RDX: variants seen among roughly 807,000 people sequenced by gnomAD.
The protein encoded by RDX is deafness, autosomal recessive 24.
In RDX, 32 loss-of-function variants were observed where a neutral mutation model predicts 83.7. That is an observed-to-expected ratio of 0.38 (90% CI 0.29 to 0.51). RDX has a LOEUF of 0.51. RDX is among the 20% of genes least tolerant of loss of function. The probability of loss-of-function intolerance (pLI) is 0.87; values close to 1 mark genes in which losing one functional copy is unlikely to be tolerated. For missense variants in RDX, 600 were observed against 689.9 expected, an observed-to-expected ratio of 0.87 and a Z score of 1.46; for synonymous variants, 229 against 222.7, an observed-to-expected ratio of 1.03 and a Z score of -0.25.
At chr11:110,278,635 T>C (rs1860615036) in intron 2 of RDX, among the ~76,000 whole-genome samples, 1 of 152,152 alleles carries the variant, frequency 6.6e-6, no homozygotes, top group Admixed American at 6.6e-5. Context: ...TATTGTTTTA[T>C]AGATTTATGA....
intron 2 of RDX, among the ~76,000 whole-genome samples, chr11:110,274,249 GA>G (rs943700006): frequency 1.3e-5 from 2 of 151,902 alleles, no homozygotes; most frequent in African/African-American, 4.8e-5. Context: ...TGAATAACAA[GA>G]AATGGTAAAT....
intron 14 of RDX, among the ~76,000 whole-genome samples, chr11:110,209,667 T>TGGGTCCC (rs1863753864): frequency 6.9e-6 from 1 of 145,906 alleles, no homozygotes; most frequent in African/African-American, 2.5e-5. Context: ...CCTCCTCAAG[T>TGGGTCCC]GGGTCCCTGA....
Position 110,233,426 on chromosome 11 carries a change from C to A in RDX, c.1398G>T (p.Val466=), listed in dbSNP as rs772872568. The A allele has an allele frequency of 3.1e-6, 5 of 1,613,998 alleles. No individual in the cohort carries two copies. The South Asian group carries it at 5.5e-5, about 18-fold the overall frequency. Residue 466 remains valine, a synonymous_variant, in exon 13 of 14, where the codon GTG becomes GTT. Transcript: ENST00000645495. ...GTGGAGGTGGAGGGGGGGCAGACAT[C>A]ACAGTTTTTAACTCTTCTTTGGTCT... ...LEKTKEELKT[V]MSAPPPPPPP... is the part of the protein sequence containing the mutation.
intron 10 of RDX, among the ~76,000 whole-genome samples, chr11:110,240,433 G>A (rs1034106952): frequency 9.2e-5 from 14 of 152,252 alleles, no homozygotes; most frequent in African/African-American, 3.4e-4. Flanking sequence ...TATTACTACT[G>A]AACTGTATAC....
At chr11:110,241,836 T>C (rs1368525022) in intron 10 of RDX, among the ~76,000 whole-genome samples, 5 of 152,172 alleles carry the variant, frequency 3.3e-5, no homozygotes, top group Non-Finnish European at 7.3e-5. Context: ...ACAAATAGAA[T>C]ATCATTCAGC....
intron 15 of RDX, among the ~76,000 whole-genome samples, chr11:110,180,563 T>C (rs1241077909): frequency 1.3e-5 from 2 of 152,288 alleles, no homozygotes; most frequent in East Asian, 3.9e-4. Context: ...CTCGTGAAGC[T>C]GTTCCTCTAG....
intron 10 of RDX, among the ~76,000 whole-genome samples, chr11:110,240,455 AAAAAT>A (rs1865040270): frequency 6.6e-6 from 1 of 152,166 alleles, no homozygotes; most frequent in Non-Finnish European, 1.5e-5. Flanking sequence ...TAAAAACGGT[AAAAAT>A]AGGCCGGGCG....
intron 14 of RDX, among the ~76,000 whole-genome samples, chr11:110,215,515 G>A (rs1591517933): frequency 6.6e-6 from 1 of 152,030 alleles, no homozygotes; most frequent in South Asian, 2.1e-4. Context: ...GCACTAAACT[G>A]GACAGACTAG....
Position 110,199,952 on chromosome 11 carries a change from G to C in RDX, c.1749-274C>G, listed in dbSNP as rs149704089. On this transcript the variant is annotated intron_variant, in intron 14 of 15. Transcript: ENST00000528498. ...TAGATGCTAGACTTCAAATAGTGCAGCAACTCTACACAAGCTAACTAGTCT... is the reference window on the plus strand; with the variant it reads ...TAGATGCTAGACTTCAAATAGTGCACCAACTCTACACAAGCTAACTAGTCT... Among the ~76,000 whole-genome samples the C allele has an allele frequency of 1.1e-3, 164 of 152,182 alleles. 1 individual carries two copies. Among genetic ancestry groups the C allele is most frequent in the South Asian group, 5.0e-3 (24 of 4,824 alleles).
intron 14 of RDX, among the ~76,000 whole-genome samples, chr11:110,209,246 G>A (rs1224184246): frequency 3.9e-5 from 6 of 152,250 alleles, no homozygotes; most frequent in South Asian, 2.1e-4. Context: ...CTGGAAAATC[G>A]GGTCACTCCC....
intron 14 of RDX, among the ~76,000 whole-genome samples, chr11:110,221,074 G>T (rs1212305996): frequency 6.6e-6 from 1 of 152,076 alleles, no homozygotes; most frequent in African/African-American, 2.4e-5. Flanking sequence ...GGCTAAAACA[G>T]CAATGGCAAG....
At chr11:110,238,923 T>A (rs1479527589) in intron 10 of RDX, among the ~76,000 whole-genome samples, 1 of 99,018 alleles carries the variant, frequency 1.0e-5, no homozygotes, top group Non-Finnish European at 2.1e-5. Flanking sequence ...AGACTCTGTC[T>A]CAAAAAAAAA....
chr11:110,241,835 A>G (rs372076760), intron 10 of RDX, among the ~76,000 whole-genome samples: 1 of 152,228 alleles, frequency 6.6e-6, no homozygotes, highest in East Asian at 1.9e-4. Flanking sequence ...TACAAATAGA[A>G]TATCATTCAG....
intron 7 of RDX, 76 bp downstream of exon 7, chr11:110,257,691 G>C (rs1859599232): frequency 6.1e-6 from 9 of 1,483,840 alleles, no homozygotes; most frequent in Admixed American, 3.3e-5. Context: ...AAACTACTTT[G>C]AAAAACAGGA....
At chr11:110,277,313 G>A (rs1255469852) in intron 2 of RDX, among the ~76,000 whole-genome samples, 1 of 151,836 alleles carries the variant, frequency 6.6e-6, no homozygotes, top group African/African-American at 2.4e-5. Flanking sequence ...TCTTTTTTTT[G>A]TTGTTATTTT....
At chr11:110,296,383 GC>G (rs1861462617) in intron 1 of RDX, 83 bp downstream of exon 1, 1 of 151,732 alleles carries the variant, frequency 6.6e-6, no homozygotes, top group Admixed American at 6.6e-5. Flanking sequence ...GGCAGCACGG[GC>G]CCCGCAACTT....
At chr11:110,224,514 G>C (rs1470311133), downstream of RDX, among the ~76,000 whole-genome samples, 2 of 152,130 alleles carry the variant, frequency 1.3e-5, no homozygotes, top group African/African-American at 4.8e-5. Context: ...TATAAAATCA[G>C]TTATAAAAGC....
At chr11:110,267,951 C>T (rs1860128088) in intron 3 of RDX, among the ~76,000 whole-genome samples, 1 of 149,898 alleles carries the variant, frequency 6.7e-6, no homozygotes, top group Non-Finnish European at 1.5e-5. Context: ...AAGACCCTGT[C>T]TGAAAAAAAA....
rs192298118 is a variant in RDX at position 110,257,703 on chromosome 11, A to G, written c.698+64T>C. ...AAGAAACTACTTTGAAAAACAGGAC[A>G]TAAGATTAACGTCATTTAGACCACT... On this transcript the variant is annotated intron_variant, in intron 7 of 13. Transcript: ENST00000645495. 178 of 1,542,224 alleles carry G rather than the reference A, an allele frequency of 1.2e-4. No homozygotes were observed. In the African/African-American group the frequency reaches 2.1e-3, roughly 18 times the overall value.
Sources: gnomAD v4.1 joint callset for allele counts (sites outside exome capture counted in the v4.1 genomes callset) on GRCh38, gnomAD v4.1.1 for gene constraint, MANE v1.5 for transcripts, NCBI Gene and HGNC (gene_info 2026-07-23, HGNC 2026-07-21) for gene names.